EXOC6B: variants seen among roughly 807,000 people sequenced by gnomAD.
The protein encoded by EXOC6B is exocyst complex component 6B.
A neutral mutation model predicts 113.5 loss-of-function variants in EXOC6B; 54 were observed. That is an observed-to-expected ratio of 0.48 (90% confidence interval 0.38 to 0.60). The LOEUF is 0.60. EXOC6B is among the 20% of genes least tolerant of loss of function. The pLI is 0.00. For missense variants in EXOC6B, 797 were observed against 977.5 expected (o/e 0.82, Z 2.46); for synonymous variants, 357 against 339.0 (o/e 1.05, Z -0.58).
intron 1 of EXOC6B, among the ~76,000 whole-genome samples, chr2:72,814,934 T>G (rs761220109): frequency 1.3e-5 from 2 of 152,100 alleles, no homozygotes; most frequent in Non-Finnish European, 2.9e-5. Flanking sequence ...GAGCTTGCAG[T>G]GAACCGAGAT....
intron 6 of EXOC6B, among the ~76,000 whole-genome samples, chr2:72,625,293 CT>C (rs1309223601): frequency 1.3e-5 from 2 of 150,452 alleles, no homozygotes; most frequent in East Asian, 3.9e-4. Flanking sequence ...ATATATATAC[CT>C]AAAAAAGACT....
rs142773910 is a variant in EXOC6B at position 72,631,818 on chromosome 2, A to G, written c.670-56150T>C. Among the ~76,000 whole-genome samples, 25 of 152,214 alleles carry G rather than the reference A, an allele frequency of 1.6e-4. No individual in the cohort carries two copies. In the East Asian group the frequency reaches 4.8e-3, roughly 29 times the overall value. On this transcript the variant is annotated intron_variant, in intron 6 of 21. Transcript: ENST00000272427. ...CACGCCTGGCCCACCCCATCCAATC[A>G]TAACGCTTAGCTGACACCAAACCTG...
intron 20 of EXOC6B, among the ~76,000 whole-genome samples, chr2:72,224,869 A>AGTGTATATATATATATACATCTATGT (rs1681113595): frequency 2.8e-5 from 4 of 144,122 alleles, no homozygotes; most frequent in Non-Finnish European, 4.6e-5. Flanking sequence ...TGTATACGTA[A>AGTGTATATATATATATACATCTATGT]GTGTATATAT....
intron 20 of EXOC6B, among the ~76,000 whole-genome samples, chr2:72,315,594 G>C (rs559187801): frequency 1.3e-5 from 2 of 152,278 alleles, no homozygotes; most frequent in South Asian, 4.1e-4. Flanking sequence ...CATGAGAAGA[G>C]AAATGATAGT....
At chr2:72,200,139 C>T (rs963690855) in intron 20 of EXOC6B, among the ~76,000 whole-genome samples, 2 of 152,074 alleles carry the variant, frequency 1.3e-5, no homozygotes, top group Non-Finnish European at 2.9e-5. Context: ...TCAGGTGATC[C>T]GCCCACCTTG....
intron 20 of EXOC6B, among the ~76,000 whole-genome samples, chr2:72,211,286 GC>G (rs1341014512): frequency 6.6e-6 from 1 of 152,100 alleles, no homozygotes. Flanking sequence ...ATTTCCAAGG[GC>G]CCTTTTCCAG....
intron 6 of EXOC6B, among the ~76,000 whole-genome samples, chr2:72,689,127 A>T (rs1244367206): frequency 2.0e-5 from 3 of 152,202 alleles, no homozygotes; most frequent in Admixed American, 2.0e-4. Flanking sequence ...TGCTATAAGA[A>T]TTTTAGCCCA....
chr2:72,487,502 A>G (rs1699493085), intron 16 of EXOC6B, among the ~76,000 whole-genome samples: 2 of 152,138 alleles, frequency 1.3e-5, no homozygotes, highest in Admixed American at 1.3e-4. Context: ...CTAGGATCAC[A>G]GGCACGTGCC....
In EXOC6B at chr2:72,466,344, C is replaced by CAA. The variant is rs551509210; in HGVS notation, c.1801-1007_1801-1006dup. Among the ~76,000 whole-genome samples, 434 of 82,272 alleles carry CAA rather than the reference C, an allele frequency of 5.3e-3. 7 individuals carry two copies. The highest frequency in any genetic ancestry group is 6.4e-3 in the Non-Finnish European group (276 of 42,898). 54.0% of individuals were successfully genotyped at this position (82,272 alleles called of 152,430 possible). ...TGGGCGACAGAGCAAGACTCCACCT[C>CAA]AAAAAAAAAAAAAAAAGAAAAGAAA... On this transcript the variant is annotated intron_variant, in intron 17 of 21. Transcript: ENST00000272427.
At chr2:72,518,569 T>C (rs910898198) in intron 8 of EXOC6B, among the ~76,000 whole-genome samples, 1 of 151,904 alleles carries the variant, frequency 6.6e-6, no homozygotes, top group Non-Finnish European at 1.5e-5. Flanking sequence ...ATGATGTTTA[T>C]ACTTCTAATT....
chr2:72,428,996 GT>G (rs1695373089), intron 18 of EXOC6B, among the ~76,000 whole-genome samples: 1 of 152,152 alleles, frequency 6.6e-6, no homozygotes, highest in Non-Finnish European at 1.5e-5. Flanking sequence ...TTTTTAATTT[GT>G]GATAATATTT....
At chr2:72,767,301 G>C (rs575618298) in intron 1 of EXOC6B, among the ~76,000 whole-genome samples, 54 of 151,640 alleles carry the variant, frequency 3.6e-4, no homozygotes, top group African/African-American at 1.3e-3. Flanking sequence ...TGTAGTGCCG[G>C]GCGCCTGTAA....
At chr2:72,561,756 T>G (rs761702047) in intron 7 of EXOC6B, among the ~76,000 whole-genome samples, 1 of 152,176 alleles carries the variant, frequency 6.6e-6, no homozygotes, top group Admixed American at 6.5e-5. Flanking sequence ...GGCCACTTTT[T>G]GTCATCTCCA....
At position 72,336,806 on chromosome 2, in the gene EXOC6B, C is replaced by G. The variant is rs148750151; in HGVS notation, c.2123-1786G>C. On this transcript the variant is annotated intron_variant, in intron 19 of 21. Coordinates refer to ENST00000272427, the MANE Select transcript of EXOC6B (RefSeq NM_015189.3). The stretch of plus-strand genomic sequence containing the variant: ...TGAATCACCTGAGATCAGGAGTTTG[C>G]GACCAGCCTGACTAACGTGGTGAAA... Among the ~76,000 whole-genome samples, 697 of 152,018 alleles carry G rather than the reference C, an allele frequency of 4.6e-3. 6 individuals are homozygous for G. Among genetic ancestry groups the G allele is most frequent in the Non-Finnish European group, 7.4e-3 (502 of 67,960 alleles).
chr2:72,451,625 G>A (rs916105672), intron 18 of EXOC6B, among the ~76,000 whole-genome samples: 3 of 150,510 alleles, frequency 2.0e-5, no homozygotes, highest in Admixed American at 6.6e-5. Context: ...TGTATTGCAG[G>A]GTAGAAAATT....
chr2:72,418,559 TAC>T (rs1166949491), intron 18 of EXOC6B, among the ~76,000 whole-genome samples: 4 of 152,228 alleles, frequency 2.6e-5, no homozygotes, highest in Non-Finnish European at 5.9e-5. Flanking sequence ...TTTATTAATA[TAC>T]ATTGTTTTTG....
chr2:72,703,851 C>T (rs1471620823), intron 6 of EXOC6B, among the ~76,000 whole-genome samples: 1 of 146,374 alleles, frequency 6.8e-6, no homozygotes, highest in Non-Finnish European at 1.5e-5. Context: ...TCTAGATATA[C>T]AATCATGTCG....
chr2:72,285,437 G>T (rs1288766626), intron 20 of EXOC6B, among the ~76,000 whole-genome samples: 1 of 151,836 alleles, frequency 6.6e-6, no homozygotes, highest in African/African-American at 2.4e-5. Context: ...TCACATGAAC[G>T]AAAGAAAAGA....
At chr2:72,224,122 G>T (rs1246463048) in intron 20 of EXOC6B, among the ~76,000 whole-genome samples, 2 of 152,074 alleles carry the variant, frequency 1.3e-5, no homozygotes, top group Admixed American at 1.3e-4. Flanking sequence ...AGAAATGTAT[G>T]TTATATAAAC....
Sources: gnomAD v4.1 joint callset for allele counts (sites outside exome capture counted in the v4.1 genomes callset) on GRCh38, gnomAD v4.1.1 for gene constraint, MANE v1.5 for transcripts, NCBI Gene and HGNC (gene_info 2026-07-23, HGNC 2026-07-21) for gene names.